Variants in XKR9 observed in about 807,000 individuals in gnomAD.
XKR9 encodes the protein XK related 9, also known as XK-related protein 9.
Under a neutral mutation model 32.0 loss-of-function variants are expected in XKR9, and 32 were observed. That is an observed-to-expected ratio of 1.00 (90% confidence interval 0.76 to 1.34). The LOEUF (loss-of-function observed/expected upper bound fraction) is 1.34. Ranked by LOEUF, XKR9 falls within the 40% of genes most tolerant of loss-of-function variation. XKR9 has a pLI of 0.00. For synonymous variants in XKR9, 168 were observed against 143.4 expected (o/e 1.17, Z -1.22); for missense variants, 546 against 429.7 (o/e 1.27, Z -2.39).
At chr8:70,876,297 C>G in the XKR9 span, among the ~76,000 whole-genome samples, 1 of 146,380 alleles carries the variant, frequency 6.8e-6, no homozygotes, top group Non-Finnish European at 1.5e-5. Context: ...TCTCAGCTCA[C>G]TGCAACCTCC....
At chr8:70,881,197 A>T in the XKR9 span, among the ~76,000 whole-genome samples, 2 of 152,216 alleles carry the variant, frequency 1.3e-5, no homozygotes, top group Non-Finnish European at 2.9e-5. Flanking sequence ...ACCATTCAGT[A>T]CATAGGCATG....
intron 2 of XKR9, among the ~76,000 whole-genome samples, chr8:70,779,141 G>A (rs1170629080): frequency 2.0e-5 from 3 of 152,150 alleles, no homozygotes; most frequent in African/African-American, 7.2e-5. Flanking sequence ...CTAGTTTACT[G>A]AGAGTTTTTG....
chr8:70,936,255 T>A, the XKR9 span, among the ~76,000 whole-genome samples: 1 of 152,056 alleles, frequency 6.6e-6, no homozygotes, highest in Admixed American at 6.6e-5. Context: ...AGGACAGTGA[T>A]TGAAGTTCAA....
chr8:70,804,167 C>T, the XKR9 span, among the ~76,000 whole-genome samples: 1 of 152,230 alleles, frequency 6.6e-6, no homozygotes, highest in Non-Finnish European at 1.5e-5. Context: ...GCTAAGTTCA[C>T]ACAGAAGCAG....
chr8:70,945,560 A>T, the XKR9 span, among the ~76,000 whole-genome samples: 1 of 149,582 alleles, frequency 6.7e-6, no homozygotes, highest in Admixed American at 6.7e-5. Flanking sequence ...GTGTTAGTAA[A>T]TTCAGCGACC....
chr8:70,734,347 G>A lies in XKR9; in HGVS notation c.1045G>A (p.Ala349Thr), dbSNP rs768138534. ...TGGGAGTTTTCACCCAAACAGAAGT[G>A]CAGAAACAAAATGTGATGAAATTGA... Reference protein sequence around the residue: ...YYGSFHPNRSAETKCDEIDGK... With the variant: ...YYGSFHPNRSTETKCDEIDGK... The change falls in exon 5 of 5, where the codon GCA (alanine) becomes ACA (threonine). Residue 349 changes from alanine (A) to threonine (T), a missense_variant. By Grantham distance (58) the Ala-to-Thr change is moderately conservative. Coordinates refer to ENST00000408926, the MANE Select transcript of XKR9 (RefSeq NM_001011720.2). 6.8e-6 allele frequency: 11 copies of A among 1,611,392 alleles called. No individual in the cohort carries two copies. The South Asian group carries it at 1.1e-4, about 16-fold the overall frequency.
chr8:71,053,370 T>A, the XKR9 span, among the ~76,000 whole-genome samples: 1 of 152,206 alleles, frequency 6.6e-6, no homozygotes, highest in Admixed American at 6.5e-5. Context: ...CAGGCCCTAG[T>A]TTCTCTCCTT....
chr8:70,882,472 A>G, the XKR9 span, among the ~76,000 whole-genome samples: 1 of 151,744 alleles, frequency 6.6e-6, no homozygotes. Context: ...GATAATGTAC[A>G]GTACTGACCC....
intron 3 of XKR9, among the ~76,000 whole-genome samples, chr8:70,703,422 C>T (rs954633531): frequency 6.6e-6 from 1 of 152,030 alleles, no homozygotes; most frequent in African/African-American, 2.4e-5. Flanking sequence ...AATCCAAGAG[C>T]AAGGTGCTGG....
At chr8:70,828,037 A>G in the XKR9 span, among the ~76,000 whole-genome samples, 1 of 152,234 alleles carries the variant, frequency 6.6e-6, no homozygotes, top group Non-Finnish European at 1.5e-5. Context: ...CATTATTAAC[A>G]GTGTCATAAA....
the XKR9 span, among the ~76,000 whole-genome samples, chr8:70,882,175 G>A: frequency 7.4e-3 from 1,127 of 152,110 alleles, 15 homozygotes; most frequent in African/African-American, 0.026. Flanking sequence ...ATGAGTTGAT[G>A]GGTGCAGCAA....
At chr8:71,022,828 A>G in the XKR9 span, among the ~76,000 whole-genome samples, 7 of 152,142 alleles carry the variant, frequency 4.6e-5, no homozygotes, top group African/African-American at 1.4e-4. Context: ...AGATATTTCA[A>G]AAGACCTGCC....
the XKR9 span, among the ~76,000 whole-genome samples, chr8:70,990,235 A>G: frequency 6.6e-6 from 1 of 152,214 alleles, no homozygotes; most frequent in African/African-American, 2.4e-5. Flanking sequence ...GCTAATATCC[A>G]TGCTAGATGC....
chr8:70,873,835 A>T, the XKR9 span, among the ~76,000 whole-genome samples: 18 of 152,356 alleles, frequency 1.2e-4, no homozygotes, highest in African/African-American at 4.3e-4. Flanking sequence ...ATAAAATGCT[A>T]TCAAGCAGCA....
chr8:70,887,884 C>T, the XKR9 span, among the ~76,000 whole-genome samples: 13 of 152,084 alleles, frequency 8.5e-5, no homozygotes, highest in South Asian at 2.1e-4. Context: ...GACAATTTGA[C>T]TTCCTCTCTT....
the XKR9 span, among the ~76,000 whole-genome samples, chr8:70,895,926 T>C: frequency 6.6e-6 from 1 of 152,022 alleles, no homozygotes; most frequent in South Asian, 2.1e-4. Context: ...GAGGATTGCT[T>C]GAGCCCAGGA....
At chr8:71,017,345 T>C in the XKR9 span, among the ~76,000 whole-genome samples, 1 of 152,214 alleles carries the variant, frequency 6.6e-6, no homozygotes, top group Non-Finnish European at 1.5e-5. Flanking sequence ...AACAGTGAGT[T>C]ATTACACTTG....
At position 70,715,744 on chromosome 8, in the gene XKR9, A is replaced by C. The variant is rs147680856; in HGVS notation, c.493+8591A>C. On this transcript the variant is annotated intron_variant, in intron 4 of 4. Transcript: ENST00000408926. ...AAAAAAGTAATGTACTAAGGATAGA[A>C]AAACTGAATGGCATGAAATTTTTAA... is the stretch of plus-strand genomic sequence containing the variant. 1.6e-3 allele frequency among the ~76,000 whole-genome samples: 240 copies of C among 152,334 alleles called. 1 individual carries two copies. The East Asian group carries it at 0.033, about 21-fold the overall frequency.
At chr8:70,838,617 A>T in the XKR9 span, among the ~76,000 whole-genome samples, 1 of 152,070 alleles carries the variant, frequency 6.6e-6, no homozygotes, top group East Asian at 1.9e-4. Flanking sequence ...TACACTCAAT[A>T]AACAAAAACA....
Sources: gnomAD v4.1 joint callset for allele counts (sites outside exome capture counted in the v4.1 genomes callset) on GRCh38, gnomAD v4.1.1 for gene constraint, MANE v1.5 for transcripts, NCBI Gene and HGNC (gene_info 2026-07-23, HGNC 2026-07-21) for gene names.